Variants in RFX7 observed in about 807,000 individuals in gnomAD.
The protein encoded by RFX7 is DNA-binding protein RFX7.
RFX7 carries 26 observed loss-of-function variants against 111.8 expected under a neutral mutation model. That is an observed-to-expected ratio of 0.23 (90% CI 0.17 to 0.32). The LOEUF is 0.32. RFX7 is among the 10% of genes least tolerant of loss of function. The probability of loss-of-function intolerance (pLI) is 1.00; values close to 1 mark genes in which losing one functional copy is unlikely to be tolerated. For missense variants in RFX7, 1,573 were observed against 1,772.9 expected (o/e 0.89, Z 2.02); for synonymous variants, 624 against 624.4 (o/e 1.00, Z 0.01).
chr15:56,157,551 C>T (rs2042668841), intron 3 of RFX7, among the ~76,000 whole-genome samples: 1 of 152,180 alleles, frequency 6.6e-6, no homozygotes, highest in African/African-American at 2.4e-5. Context: ...ACGTCTTTCT[C>T]TGAGTTGGTA....
intron 5 of RFX7, among the ~76,000 whole-genome samples, chr15:56,110,092 G>T (rs1287773437): frequency 7.6e-6 from 1 of 131,740 alleles, no homozygotes; most frequent in Non-Finnish European, 1.6e-5. Context: ...GAGGGAGGTG[G>T]GGGGGTCAGC....
chr15:56,180,907 A>T lies in RFX7; in HGVS notation c.162-1604T>A, dbSNP rs145996852. ...ACTCCAGCCTGGGCAACAGAGCAAG[A>T]CTCCGTCTCCAAAAAAAATAAAACA... On this transcript the variant is annotated intron_variant, in intron 2 of 9. Coordinates refer to ENST00000559447, the MANE Select transcript of RFX7 (RefSeq NM_022841.7). Among the ~76,000 whole-genome samples, 423 of 152,154 alleles carry T rather than the reference A, an allele frequency of 2.8e-3. 3 individuals carry two copies. The highest frequency in any genetic ancestry group is 9.6e-3 in the African/African-American group (399 of 41,498).
At chr15:56,164,599 T>C (rs1349371590) in intron 3 of RFX7, among the ~76,000 whole-genome samples, 3 of 152,180 alleles carry the variant, frequency 2.0e-5, no homozygotes, top group Non-Finnish European at 4.4e-5. Context: ...ATAACCATGA[T>C]ACATGAACAG....
chr15:56,178,568 T>C (rs2042929494), intron 3 of RFX7, among the ~76,000 whole-genome samples: 1 of 152,104 alleles, frequency 6.6e-6, no homozygotes, highest in Non-Finnish European at 1.5e-5. Context: ...TATAGAGCCT[T>C]CGTGTGTTCT....
chr15:56,096,762 AG>A, intron 9 of RFX7, 142 bp from the exon 10 acceptor site: 11 of 824,006 alleles, frequency 1.3e-5, no homozygotes, highest in Admixed American at 3.0e-5. Context: ...GAGTTCTTCT[AG>A]ACCAGGTTCT....
At position 56,103,538 on chromosome 15, in the gene RFX7, T is replaced by C. The variant is rs1169835957; in HGVS notation, c.518+16A>G. On this transcript the variant is annotated intron_variant, in intron 6 of 9. Transcript: ENST00000559447. The stretch of plus-strand genomic sequence containing the variant: ...GAACACAGAGATATTACTAACACCA[T>C]TCTGGTAAAGGATATTTAGATTTGC... The C allele has an allele frequency of 4.6e-6, 7 of 1,523,126 alleles. No individual in the cohort carries two copies. The African/African-American group carries it at 9.5e-5, about 21-fold the overall frequency. The allele number at this position is 1,523,126 out of a possible 1,614,324, so 94.4% of individuals were successfully genotyped here. A position where few individuals can be genotyped will look rare whatever the true frequency, so the allele number is the denominator to read the frequency against.
At chr15:56,201,017 TG>T (rs1195314184) in intron 2 of RFX7, among the ~76,000 whole-genome samples, 1 of 151,826 alleles carries the variant, frequency 6.6e-6, no homozygotes, top group African/African-American at 2.4e-5. Flanking sequence ...AAAATGGAAA[TG>T]GTTTAGAGAG....
At chr15:56,239,256 C>T (rs1453797048) in intron 2 of RFX7, among the ~76,000 whole-genome samples, 1 of 151,716 alleles carries the variant, frequency 6.6e-6, no homozygotes, top group Non-Finnish European at 1.5e-5. Flanking sequence ...ATACACATAA[C>T]CTGAAGGTAA....
intron 2 of RFX7, among the ~76,000 whole-genome samples, chr15:56,226,428 T>C (rs1447651841): frequency 2.0e-5 from 3 of 152,084 alleles, no homozygotes; most frequent in Admixed American, 6.5e-5. Flanking sequence ...TAAAGAAGGA[T>C]TAAAAGCAAG....
In RFX7 at chr15:56,090,166, A is replaced by G. The variant is rs375708058; in HGVS notation, c.*3179T>C. The G allele has an allele frequency of 6.6e-6, 1 of 152,200 alleles. No individual in the cohort carries two copies. Among genetic ancestry groups the G allele is most frequent in the African/African-American group, 2.4e-5 (1 of 41,450 alleles). The allele number at this position is 152,200 out of a possible 1,614,324, so 9.4% of individuals were successfully genotyped here. ...GTCTATACTGCTTTTGAACACAGCTATGCTTAAAATTTTCTCATTTTCTAT... is the reference window on the plus strand; with the variant it reads ...GTCTATACTGCTTTTGAACACAGCTGTGCTTAAAATTTTCTCATTTTCTAT... On this transcript the variant is annotated 3_prime_UTR_variant, in exon 10 of 10. Coordinates refer to ENST00000559447, the MANE Select transcript of RFX7 (RefSeq NM_022841.7).
intron 2 of RFX7, among the ~76,000 whole-genome samples, chr15:56,221,107 G>A (rs1345468760): frequency 6.6e-6 from 1 of 152,146 alleles, no homozygotes; most frequent in African/African-American, 2.4e-5. Context: ...TTTGAAGTCA[G>A]GTTAATGTGA....
chr15:56,219,751 C>T (rs11632394), intron 2 of RFX7, among the ~76,000 whole-genome samples: 19,867 of 152,236 alleles, frequency 0.13, 1,706 homozygotes, highest in East Asian at 0.44. Flanking sequence ...ACATTTTCTT[C>T]ATCCAGTCTA....
At chr15:56,111,659 A>ACCAAAAAAAAAAAAAAAAAAAC (rs2041933747) in intron 5 of RFX7, among the ~76,000 whole-genome samples, 1 of 84,724 alleles carries the variant, frequency 1.2e-5, no homozygotes, top group African/African-American at 3.9e-5. Flanking sequence ...AAATAAATAA[A>ACCAAAAAAAAAAAAAAAAAAAC]CCAAAAAAAA....
intron 2 of RFX7, among the ~76,000 whole-genome samples, chr15:56,217,469 T>C (rs988372578): frequency 5.9e-5 from 9 of 152,026 alleles, no homozygotes; most frequent in African/African-American, 1.7e-4. Flanking sequence ...CCCAGGACAG[T>C]TGTCTTGAGA....
In RFX7 at chr15:56,156,944, G is replaced by A. The variant is rs375596088; in HGVS notation, c.196-12461C>T. Reference sequence around the variant, plus strand: ...CACTTCCAGAGTTTCTGATTCAGTAGGTCTCAAGTGGGGACCTGAAAATCT... The same window carrying A: ...CACTTCCAGAGTTTCTGATTCAGTAAGTCTCAAGTGGGGACCTGAAAATCT... On this transcript the variant is annotated intron_variant, in intron 3 of 9. Transcript: ENST00000559447. Among the ~76,000 whole-genome samples, 53 of 152,288 alleles carry A rather than the reference G, an allele frequency of 3.5e-4. No individual in the cohort carries two copies. In the East Asian group the frequency reaches 0.01, roughly 29 times the overall value.
At chr15:56,225,223 A>C (rs142446109) in intron 2 of RFX7, among the ~76,000 whole-genome samples, 182 of 152,286 alleles carry the variant, frequency 1.2e-3, no homozygotes, top group Non-Finnish European at 2.3e-3. Context: ...GAGCCCATTT[A>C]TCTCTTTTAA....
intron 5 of RFX7, among the ~76,000 whole-genome samples, chr15:56,126,136 T>G (rs929273587): frequency 3.3e-5 from 5 of 152,350 alleles, no homozygotes; most frequent in South Asian, 4.1e-4. Flanking sequence ...GACCATTATC[T>G]GATCCATCAA....
chr15:56,107,844 T>A (rs2041852771), intron 5 of RFX7, among the ~76,000 whole-genome samples: 1 of 151,858 alleles, frequency 6.6e-6, no homozygotes, highest in Non-Finnish European at 1.5e-5. Context: ...TAAAAAATGA[T>A]AATAAACCAA....
chr15:56,190,083 T>C (rs1354839703), intron 2 of RFX7, among the ~76,000 whole-genome samples: 1 of 152,152 alleles, frequency 6.6e-6, no homozygotes, highest in Non-Finnish European at 1.5e-5. Flanking sequence ...ATAAAACACC[T>C]AGAAAAGTTC....
Sources: gnomAD v4.1 joint callset for allele counts (sites outside exome capture counted in the v4.1 genomes callset) on GRCh38, gnomAD v4.1.1 for gene constraint, MANE v1.5 for transcripts, NCBI Gene and HGNC (gene_info 2026-07-23, HGNC 2026-07-21) for gene names.